Variants in TRIM2 observed in about 807,000 individuals in gnomAD.
TRIM2 encodes tripartite motif-containing protein 2.
In TRIM2, 20 loss-of-function variants were observed where a neutral mutation model predicts 75.2. The observed-to-expected ratio is 0.27, with a 90% CI of 0.19 to 0.39. The LOEUF is 0.39. TRIM2 is among the 10% of genes least tolerant of loss of function. TRIM2 has a pLI of 1.00. For synonymous variants in TRIM2, 373 were observed against 388.3 expected (o/e 0.96, Z 0.46); for missense variants, 660 against 990.8 (o/e 0.67, Z 4.48).
At chr4:153,178,289 A>T (rs1182156750) in intron 1 of TRIM2, among the ~76,000 whole-genome samples, 1 of 152,062 alleles carries the variant, frequency 6.6e-6, no homozygotes, top group Non-Finnish European at 1.5e-5. Flanking sequence ...CATCTCAAGC[A>T]TGCACCCCCA....
chr4:153,180,313 A>G (rs1731920565), intron 1 of TRIM2, among the ~76,000 whole-genome samples: 1 of 152,104 alleles, frequency 6.6e-6, no homozygotes, highest in East Asian at 1.9e-4. Flanking sequence ...AATTTTTACA[A>G]TACTCCTAGG....
At chr4:153,316,624 A>G (rs988166006) in intron 8 of TRIM2, among the ~76,000 whole-genome samples, 1 of 152,210 alleles carries the variant, frequency 6.6e-6, no homozygotes, top group African/African-American at 2.4e-5. Context: ...AAGTGGAGCT[A>G]CACTTTGAGG....
At chr4:153,228,357 A>T (rs1742711487) in intron 1 of TRIM2, among the ~76,000 whole-genome samples, 1 of 152,236 alleles carries the variant, frequency 6.6e-6, no homozygotes, top group African/African-American at 2.4e-5. Flanking sequence ...TGTGGGTCTG[A>T]TGGCTAAGAT....
chr4:153,223,298 C>G (rs1040490170), intron 1 of TRIM2, among the ~76,000 whole-genome samples: 5 of 152,206 alleles, frequency 3.3e-5, no homozygotes, highest in Non-Finnish European at 7.4e-5. Context: ...CTCTGCCGTC[C>G]TCAGTCACCC....
rs1465138330 is a variant in TRIM2 at position 153,337,035 on chromosome 4, CA to C, written c.*2073del. On this transcript the variant is annotated 3_prime_UTR_variant, in exon 12 of 12. Transcript: ENST00000338700. ...TAGGCACTGGAAATACAGTGATGGA[CA>C]AAACAGGTAAAAAATCGCTGCCCCC... The C allele has an allele frequency of 5.1e-6, 5 of 982,816 alleles. No individual in the cohort carries two copies. In the Admixed American group the frequency reaches 3.1e-4, roughly 61 times the overall value. 60.9% of individuals were successfully genotyped at this position (982,816 alleles called of 1,614,324 possible).
At chr4:153,155,837 G>A (rs182259806) in intron 1 of TRIM2, among the ~76,000 whole-genome samples, 153 of 152,272 alleles carry the variant, frequency 1.0e-3, no homozygotes, top group African/African-American at 3.3e-3. Flanking sequence ...CAAAACACTA[G>A]GTAGAGAAAC....
chr4:153,330,731 C>G (rs569155002), intron 11 of TRIM2, among the ~76,000 whole-genome samples: 6 of 152,302 alleles, frequency 3.9e-5, no homozygotes, highest in Non-Finnish European at 5.9e-5. Flanking sequence ...TAAACAACAT[C>G]TATGAAAACC....
chr4:153,326,584 T>A (rs1380590363), intron 10 of TRIM2, among the ~76,000 whole-genome samples: 2 of 152,206 alleles, frequency 1.3e-5, no homozygotes, highest in Admixed American at 6.5e-5. Flanking sequence ...TTTCTTTTCA[T>A]CACAAAACAA....
At chr4:153,191,659 T>A (rs1489502678) in intron 1 of TRIM2, among the ~76,000 whole-genome samples, 1 of 152,258 alleles carries the variant, frequency 6.6e-6, no homozygotes. Context: ...TCTTATTTAT[T>A]TTTTAAACAG....
At chr4:153,332,308 C>G (rs575220276) in intron 11 of TRIM2, among the ~76,000 whole-genome samples, 1 of 152,260 alleles carries the variant, frequency 6.6e-6, no homozygotes, top group South Asian at 2.1e-4. Context: ...TAAAGATTCT[C>G]AAGACTCAGC....
intron 3 of TRIM2, among the ~76,000 whole-genome samples, chr4:153,280,188 A>G (rs1758969337): frequency 6.6e-6 from 1 of 151,788 alleles, no homozygotes; most frequent in Non-Finnish European, 1.5e-5. Flanking sequence ...TACACATAGT[A>G]TAGTAAGTTT....
At chr4:153,243,897 C>T (rs1373620740) in intron 1 of TRIM2, among the ~76,000 whole-genome samples, 1 of 147,760 alleles carries the variant, frequency 6.8e-6, no homozygotes, top group Non-Finnish European at 1.5e-5. Context: ...CTGCTTGCTG[C>T]AGCCTCAACC....
intron 6 of TRIM2, chr4:153,307,647 A>G: frequency 2.3e-6 from 1 of 444,416 alleles, no homozygotes; most frequent in South Asian, 2.0e-5. Context: ...GGGCAATGCT[A>G]ACGTCATCCT....
chr4:153,328,196 G>A (rs1421635041), intron 10 of TRIM2, among the ~76,000 whole-genome samples: 1 of 152,072 alleles, frequency 6.6e-6, no homozygotes, highest in Non-Finnish European at 1.5e-5. Flanking sequence ...TTTAAAGGTG[G>A]GAAGAATAAT....
rs34344932 is a variant in TRIM2, at chr4:153,265,338, G to GT, written c.31-4988dup. On this transcript the variant is annotated intron_variant, in intron 1 of 11. Coordinates refer to ENST00000338700, the MANE Select transcript of TRIM2 (RefSeq NM_015271.5). ...TTTTTTGTTTTGTTTTGTTTTTTGT[G>GT]TTTTTTTTTGTTATTTTTTTTTTTA... Among the ~76,000 whole-genome samples, 55 of 149,270 alleles carry GT rather than the reference G, an allele frequency of 3.7e-4. 1 individual carries two copies. Among genetic ancestry groups the GT allele is most frequent in the Admixed American group, 8.7e-4 (13 of 14,994 alleles).
intron 1 of TRIM2, among the ~76,000 whole-genome samples, chr4:153,234,012 A>G (rs1478901372): frequency 6.6e-6 from 1 of 152,202 alleles, no homozygotes; most frequent in Non-Finnish European, 1.5e-5. Context: ...AGAACTAACA[A>G]CTTTAAAATT....
At chr4:153,162,470 G>C (rs1201427698) in intron 1 of TRIM2, among the ~76,000 whole-genome samples, 2 of 152,154 alleles carry the variant, frequency 1.3e-5, no homozygotes, top group Non-Finnish European at 2.9e-5. Context: ...ACACAGGAAA[G>C]CATTCATCCT....
chr4:153,255,710 G>A (rs902153685), intron 1 of TRIM2, among the ~76,000 whole-genome samples: 12 of 152,178 alleles, frequency 7.9e-5, no homozygotes, highest in East Asian at 5.8e-4. Context: ...AGTGTCCATC[G>A]ACTGATGAAC....
rs997238799 is a variant in TRIM2 at position 153,328,532 on chromosome 4, G to A, written c.2025G>A (p.Val675=). Residue 675 remains valine (V), a splice_region_variant and synonymous_variant, in exon 11 of 12, where the codon GTG becomes GTA. Coordinates refer to ENST00000338700, the MANE Select transcript of TRIM2 (RefSeq NM_015271.5). ...TAATTTAAAAATATTTCATACAGGT[G>A]TTTAATCAGGAAGGAGAATTCATGT... ...ITDFHNHSVK[V]FNQEGEFMLK... 2 of 1,604,158 alleles carry A rather than the reference G, an allele frequency of 1.2e-6. No individual in the cohort carries two copies. Among genetic ancestry groups the A allele is most frequent in the South Asian group, 2.3e-5 (2 of 88,750 alleles).
Sources: allele counts gnomAD v4.1 joint callset (sites outside exome capture counted in the v4.1 genomes callset), GRCh38; gene constraint gnomAD v4.1.1; transcripts MANE v1.5; gene names NCBI Gene and HGNC (gene_info 2026-07-23, HGNC 2026-07-21).